Variants in GALM observed in about 807,000 individuals in gnomAD.
The protein encoded by GALM is galactose mutarotase, also known as aldose 1-epimerase.
A neutral mutation model predicts 37.4 loss-of-function variants in GALM; 43 were observed. The observed-to-expected ratio is 1.15, with a 90% CI of 0.90 to 1.48. The LOEUF (loss-of-function observed/expected upper bound fraction) is 1.48, where lower values mean the gene tolerates loss of function less well. Ranked by LOEUF, GALM falls within the 40% of genes most tolerant of loss-of-function variation. The pLI is 0.00. For synonymous variants in GALM, 199 were observed against 170.6 expected, an observed-to-expected ratio of 1.17 and a Z score of -1.30; for missense variants, 456 against 419.1, an observed-to-expected ratio of 1.09 and a Z score of -0.77.
intron 4 of GALM, among the ~76,000 whole-genome samples, chr2:38,691,026 G>A (rs1665661102): frequency 6.6e-6 from 1 of 152,158 alleles, no homozygotes. Context: ...ATATTTACAT[G>A]ACTCAATAGA....
Position 38,693,719 on chromosome 2 carries a change from T to C in GALM, c.634+3825T>C, listed in dbSNP as rs1360707841. Among the ~76,000 whole-genome samples, 6 of 152,330 alleles carry C rather than the reference T, an allele frequency of 3.9e-5. No individual in the cohort carries two copies. The East Asian group carries it at 1.2e-3, about 29-fold the overall frequency. On this transcript the variant is annotated intron_variant, in intron 4 of 6. Transcript: ENST00000272252. The stretch of plus-strand genomic sequence containing the variant: ...GCCTGTAAGGTAGGTTCTGTTCATT[T>C]TTCTTATTTAACAGATGTGAAAACT...
intron 4 of GALM, among the ~76,000 whole-genome samples, chr2:38,696,329 G>T (rs185501554): frequency 3.2e-4 from 49 of 151,986 alleles, no homozygotes; most frequent in Middle Eastern, 6.8e-3. Flanking sequence ...ATGTTGGTCA[G>T]GCTGGTCTTG....
intron 4 of GALM, among the ~76,000 whole-genome samples, chr2:38,702,943 TATATATA>T (rs1665948235): frequency 7.1e-6 from 1 of 141,342 alleles, no homozygotes; most frequent in South Asian, 2.2e-4. Context: ...TATATATATA[TATATATA>T]ATATGTGTAA....
chr2:38,682,248 T>G (rs1299884879), intron 3 of GALM: 2 of 455,198 alleles, frequency 4.4e-6, no homozygotes, highest in Non-Finnish European at 8.9e-6. Flanking sequence ...AAGGTAACAG[T>G]TTAGCTCATT....
chr2:38,719,038 C>T (rs1035369625), intron 4 of GALM, among the ~76,000 whole-genome samples: 7 of 151,932 alleles, frequency 4.6e-5, no homozygotes, highest in Admixed American at 1.3e-4. Flanking sequence ...ATTAAGTTAG[C>T]GCTAGGAGCC....
chr2:38,697,414 C>A (rs1466739477), intron 4 of GALM, among the ~76,000 whole-genome samples: 1 of 152,116 alleles, frequency 6.6e-6, no homozygotes, highest in Non-Finnish European at 1.5e-5. Flanking sequence ...TAACTTCTCC[C>A]TTTTGTGGCT....
At chr2:38,691,525 G>GA (rs149653443) in intron 4 of GALM, among the ~76,000 whole-genome samples, 5,917 of 146,586 alleles carry the variant, frequency 0.04, 394 homozygotes, top group African/African-American at 0.14. Flanking sequence ...ACAAAAAATT[G>GA]AAAAAAAAAA....
chr2:38,666,642 G>A (rs1034567352), intron 1 of GALM, among the ~76,000 whole-genome samples: 1 of 152,316 alleles, frequency 6.6e-6, no homozygotes, highest in South Asian at 2.1e-4. Flanking sequence ...ATCCTGGAGC[G>A]ATCTTTGAAC....
At chr2:38,709,066 G>T (rs191427724) in intron 4 of GALM, among the ~76,000 whole-genome samples, 1 of 152,304 alleles carries the variant, frequency 6.6e-6, no homozygotes, top group Non-Finnish European at 1.5e-5. Flanking sequence ...AGGACAGGGT[G>T]TAAGGCAGAT....
At chr2:38,704,410 CT>C (rs1161315074) in intron 4 of GALM, among the ~76,000 whole-genome samples, 1 of 151,918 alleles carries the variant, frequency 6.6e-6, no homozygotes, top group Non-Finnish European at 1.5e-5. Context: ...TGGTTCATGC[CT>C]TTAATCCCAG....
chr2:38,703,105 T>C (rs1665963673), intron 4 of GALM, among the ~76,000 whole-genome samples: 1 of 64,048 alleles, frequency 1.6e-5, no homozygotes, highest in East Asian at 4.1e-4. Flanking sequence ...TTTTTTTTTT[T>C]TTTTTTTTTT....
chr2:38,690,224 C>T (rs1216955917), intron 4 of GALM, among the ~76,000 whole-genome samples: 1 of 152,014 alleles, frequency 6.6e-6, no homozygotes, highest in South Asian at 2.1e-4. Flanking sequence ...GTAATCCCAG[C>T]ACTTTGAGAG....
intron 4 of GALM, among the ~76,000 whole-genome samples, chr2:38,704,047 A>AAAT (rs1665986167): frequency 6.6e-6 from 1 of 151,294 alleles, no homozygotes; most frequent in Admixed American, 6.6e-5. Flanking sequence ...ATAAATAAAT[A>AAAT]AAATAAAATA....
At chr2:38,732,007 G>C (rs1368886783) in intron 6 of GALM, 98 bp downstream of exon 6, 1 of 1,039,324 alleles carries the variant, frequency 9.6e-7, no homozygotes, top group Admixed American at 2.3e-5. Context: ...TGATTCAAAA[G>C]TTCATGCTTT....
intron 4 of GALM, among the ~76,000 whole-genome samples, chr2:38,696,891 G>A (rs1187633962): frequency 2.9e-5 from 4 of 139,004 alleles, no homozygotes; most frequent in African/African-American, 8.2e-5. Flanking sequence ...CCATGTTCAA[G>A]CAATCCTCCC....
chr2:38,686,289 G>A (rs2148433143), intron 3 of GALM, among the ~76,000 whole-genome samples: 1 of 73,890 alleles, frequency 1.4e-5, no homozygotes, highest in South Asian at 3.9e-4. Context: ...ATTTTGAGAT[G>A]GAGTCTCGCT....
chr2:38,716,070 G>A (rs1666265199), intron 4 of GALM, among the ~76,000 whole-genome samples: 1 of 152,216 alleles, frequency 6.6e-6, no homozygotes, highest in South Asian at 2.1e-4. Context: ...TAGGAGGGTG[G>A]TAACAGTGAT....
rs12611538 is a variant in GALM, at chr2:38,679,071, C to G, written c.346-2209C>G. Among the ~76,000 whole-genome samples, 1,277 of 152,286 alleles carry G rather than the reference C, an allele frequency of 8.4e-3. 74 individuals are homozygous for G. In the East Asian group the frequency reaches 0.17, roughly 20 times the overall value. ...GCGCAATCTTGGCTCACTACAACCT[C>G]CACTTCCCAGGTTCAAGTGGTTCTC... On this transcript the variant is annotated intron_variant, in intron 2 of 6. Transcript: ENST00000272252.
At chr2:38,728,934 C>T (rs6731386) in intron 4 of GALM, among the ~76,000 whole-genome samples, 84,452 of 151,778 alleles carry the variant, frequency 0.56, 22,333 homozygotes, top group East Asian at 0.81. Flanking sequence ...TTTCCACCTG[C>T]GCTGCTCAGA....
Sources: allele counts gnomAD v4.1 joint callset (sites outside exome capture counted in the v4.1 genomes callset), GRCh38; gene constraint gnomAD v4.1.1; transcripts MANE v1.5; gene names NCBI Gene and HGNC (gene_info 2026-07-23, HGNC 2026-07-21).